Variants in GNG2 observed in about 807,000 individuals in gnomAD.
The protein encoded by GNG2 is G protein subunit gamma 2.
Under a neutral mutation model 5.5 loss-of-function variants are expected in GNG2, and 5 were observed. The ratio of observed to expected loss-of-function variants is 0.91; its 90% CI spans 0.48 to 1.92. GNG2 has a LOEUF of 1.92. Among genes scored for constraint, GNG2 ranks in the 30% most tolerant of loss-of-function variants. The pLI, the probability that GNG2 is intolerant of heterozygous loss-of-function variation, is 0.01. For missense variants in GNG2, 55 were observed against 88.4 expected, an observed-to-expected ratio of 0.62 and a Z score of 1.52; for synonymous variants, 28 against 32.0, an observed-to-expected ratio of 0.88 and a Z score of 0.42.
chr14:51,895,809 C>G (rs575886600), intron 2 of GNG2, among the ~76,000 whole-genome samples: 2 of 152,170 alleles, frequency 1.3e-5, no homozygotes, highest in African/African-American at 4.8e-5. Context: ...TGGGGCGGGT[C>G]TTTCCTGTGC....
intron 1 of GNG2, among the ~76,000 whole-genome samples, chr14:51,871,065 A>G (rs1883260289): frequency 6.6e-6 from 1 of 151,908 alleles, no homozygotes; most frequent in African/African-American, 2.4e-5. Flanking sequence ...CTATGTTAGA[A>G]CCATATAAGA....
chr14:51,887,468 G>T (rs1330031078), intron 2 of GNG2, among the ~76,000 whole-genome samples: 1 of 152,200 alleles, frequency 6.6e-6, no homozygotes, highest in Non-Finnish European at 1.5e-5. Context: ...CACTGAAAAT[G>T]AATAAATCCA....
chr14:51,926,208 G>A (rs1887310182), intron 2 of GNG2, among the ~76,000 whole-genome samples: 1 of 151,950 alleles, frequency 6.6e-6, no homozygotes, highest in Admixed American at 6.6e-5. Context: ...GAAGTCTTCT[G>A]AAATCATCAG....
At chr14:51,883,903 G>GT (rs1398935872) in intron 2 of GNG2, among the ~76,000 whole-genome samples, 1 of 151,728 alleles carries the variant, frequency 6.6e-6, no homozygotes, top group Non-Finnish European at 1.5e-5. Flanking sequence ...TTTTAGTTAG[G>GT]TTTTTTTAAT....
At chr14:51,934,427 A>C (rs768725674) in intron 2 of GNG2, among the ~76,000 whole-genome samples, 2 of 152,218 alleles carry the variant, frequency 1.3e-5, no homozygotes, top group Non-Finnish European at 2.9e-5. Context: ...CTACTGAGAG[A>C]GTCCCAGAGC....
At chr14:51,904,470 T>G (rs1003172656) in intron 2 of GNG2, among the ~76,000 whole-genome samples, 1 of 152,212 alleles carries the variant, frequency 6.6e-6, no homozygotes. Flanking sequence ...AGGGATTCAC[T>G]TGGGGTTACT....
chr14:51,892,924 T>C (rs1463267846), intron 2 of GNG2, among the ~76,000 whole-genome samples: 1 of 152,216 alleles, frequency 6.6e-6, no homozygotes, highest in Non-Finnish European at 1.5e-5. Context: ...AATATAAAAG[T>C]TAATGTGCAG....
At chr14:51,839,532 C>A (rs1881426732) in intron 2 of GNG2, among the ~76,000 whole-genome samples, 1 of 152,016 alleles carries the variant, frequency 6.6e-6, no homozygotes, top group Non-Finnish European at 1.5e-5. Flanking sequence ...CTTGCCTTTT[C>A]TGTTTGGCTT....
chr14:51,845,661 C>G (rs1273199557), intron 2 of GNG2, among the ~76,000 whole-genome samples: 1 of 152,180 alleles, frequency 6.6e-6, no homozygotes, highest in Non-Finnish European at 1.5e-5. Context: ...AGAACTCCCT[C>G]TCAGAGAGTC....
At chr14:51,832,066 G>T (rs1215953662) in intron 2 of GNG2, among the ~76,000 whole-genome samples, 1 of 152,068 alleles carries the variant, frequency 6.6e-6, no homozygotes, top group Non-Finnish European at 1.5e-5. Flanking sequence ...GATCGCTTGA[G>T]CCCAGGAGTA....
At chr14:51,917,300 A>T (rs75873876) in intron 2 of GNG2, 1 of 455,350 alleles carries the variant, frequency 2.2e-6, no homozygotes, top group Non-Finnish European at 4.4e-6. Context: ...GAAGAGGGAT[A>T]GGGAAGAAAC....
chr14:51,866,638 G>A (rs1484776994), intron 1 of GNG2, among the ~76,000 whole-genome samples: 1 of 152,060 alleles, frequency 6.6e-6, no homozygotes, highest in Non-Finnish European at 1.5e-5. Flanking sequence ...TTTGATGTCT[G>A]GCAAAGGCCG....
At chr14:51,853,521 A>G (rs915502473) in intron 2 of GNG2, among the ~76,000 whole-genome samples, 2 of 152,242 alleles carry the variant, frequency 1.3e-5, no homozygotes, top group Admixed American at 6.5e-5. Context: ...CAACAAAGAC[A>G]TAAAGAAAAA....
At chr14:51,922,527 T>C (rs1007404459) in intron 2 of GNG2, among the ~76,000 whole-genome samples, 4 of 152,116 alleles carry the variant, frequency 2.6e-5, no homozygotes, top group Admixed American at 6.5e-5. Flanking sequence ...CCCTGACCCC[T>C]ACCCCTACCA....
At chr14:51,942,223 T>G (rs1290675877) in intron 2 of GNG2, among the ~76,000 whole-genome samples, 2 of 152,358 alleles carry the variant, frequency 1.3e-5, no homozygotes, top group East Asian at 3.9e-4. Flanking sequence ...AGTTGAAAGT[T>G]TGCACATGGA....
At chr14:51,932,861 G>A (rs956914927) in intron 2 of GNG2, among the ~76,000 whole-genome samples, 1 of 151,838 alleles carries the variant, frequency 6.6e-6, no homozygotes. Flanking sequence ...TTAAAGCTCT[G>A]GATATGGAAC....
chr14:51,911,707 C>G (rs1295777593), intron 2 of GNG2, among the ~76,000 whole-genome samples: 2 of 127,376 alleles, frequency 1.6e-5, no homozygotes, highest in South Asian at 2.7e-4. Context: ...CCAAGCCTGG[C>G]TAATTTTTTA....
chr14:51,952,139 G>C, intron 3 of GNG2: 1 of 493,486 alleles, frequency 2.0e-6, no homozygotes, highest in Non-Finnish European at 3.6e-6. Context: ...TCAGGTATGT[G>C]CTAGAGAGTG....
In GNG2 at chr14:51,969,159, A is replaced by G. The variant is rs1890087463; in HGVS notation, c.*2472A>G. 6.6e-6 allele frequency: 1 copy of G among 152,220 alleles called. No homozygotes were observed. Among genetic ancestry groups the G allele is most frequent in the Admixed American group, 6.5e-5 (1 of 15,286 alleles). 9.4% of individuals were successfully genotyped at this position (152,220 alleles called of 1,614,324 possible). A position where few individuals can be genotyped will look rare whatever the true frequency, so the allele number is the denominator to read the frequency against. On this transcript the variant is annotated 3_prime_UTR_variant, in exon 4 of 4. Coordinates refer to ENST00000556766, the MANE Select transcript of GNG2 (RefSeq NM_053064.5). Reference sequence around the variant, plus strand: ...TTATCTTAAGGAATAACTAATAGGAAAAGTCAGCTTAATTATTTAAGGCCC... The same window carrying G: ...TTATCTTAAGGAATAACTAATAGGAGAAGTCAGCTTAATTATTTAAGGCCC...
Sources: allele counts gnomAD v4.1 joint callset (sites outside exome capture counted in the v4.1 genomes callset), GRCh38; gene constraint gnomAD v4.1.1; transcripts MANE v1.5; gene names NCBI Gene and HGNC (gene_info 2026-07-23, HGNC 2026-07-21).